CTNND2: variants seen among roughly 807,000 people sequenced by gnomAD.
CTNND2 encodes catenin delta 2, also known as catenin delta-2.
CTNND2 carries 22 observed loss-of-function variants against 144.4 expected under a neutral mutation model. That is an observed-to-expected ratio of 0.15 (90% CI 0.11 to 0.22). The LOEUF (loss-of-function observed/expected upper bound fraction) is 0.22. Ranked by LOEUF, CTNND2 falls within the 10% of genes least tolerant of loss-of-function variation. CTNND2 has a pLI of 1.00. For synonymous variants in CTNND2, 751 were observed against 695.6 expected, an observed-to-expected ratio of 1.08 and a Z score of -1.25; for missense variants, 1,353 against 1,618.8, an observed-to-expected ratio of 0.84 and a Z score of 2.82.
chr5:11,177,372 C>T (rs1370838954), intron 11 of CTNND2, among the ~76,000 whole-genome samples: 1 of 152,134 alleles, frequency 6.6e-6, no homozygotes, highest in Non-Finnish European at 1.5e-5. Context: ...TATGTATCTA[C>T]AACATGGTGA....
intron 3 of CTNND2, among the ~76,000 whole-genome samples, chr5:11,443,628 T>C (rs1048832966): frequency 1.3e-5 from 2 of 152,204 alleles, no homozygotes; most frequent in African/African-American, 2.4e-5. Context: ...AAGGTATGTA[T>C]GGTTACCCTA....
intron 2 of CTNND2, among the ~76,000 whole-genome samples, chr5:11,702,687 C>G (rs1208375046): frequency 1.9e-4 from 29 of 152,322 alleles, no homozygotes; most frequent in Non-Finnish European, 8.8e-5. Context: ...TCTTTTCTGG[C>G]TATCTGCTAA....
intron 2 of CTNND2, 36 bp downstream of exon 2, chr5:11,732,100 C>G: frequency 3.8e-6 from 6 of 1,590,310 alleles, no homozygotes; most frequent in Non-Finnish European, 5.2e-6. Flanking sequence ...TTAAAATGTC[C>G]CCAAACGCAT....
intron 16 of CTNND2, among the ~76,000 whole-genome samples, chr5:11,069,697 G>GAGAC (rs1264239962): frequency 2.1e-5 from 2 of 94,328 alleles, no homozygotes; most frequent in Non-Finnish European, 5.3e-5. Context: ...GAGAGACAGA[G>GAGAC]AGAGAGAGAA....
At chr5:11,411,462 T>G (rs1262309624) in intron 5 of CTNND2, 74 bp downstream of exon 5, 2 of 780,098 alleles carry the variant, frequency 2.6e-6, no homozygotes, top group East Asian at 2.5e-5. Flanking sequence ...CTCATAACAG[T>G]AATGATATTA....
At chr5:11,355,304 T>C (rs1321496405) in intron 8 of CTNND2, among the ~76,000 whole-genome samples, 1 of 152,114 alleles carries the variant, frequency 6.6e-6, no homozygotes, top group Admixed American at 6.5e-5. Context: ...ATTAAAAAGA[T>C]CGTTCACTAT....
chr5:11,291,625 C>T (rs1748359167), intron 9 of CTNND2, among the ~76,000 whole-genome samples: 1 of 152,130 alleles, frequency 6.6e-6, no homozygotes, highest in African/African-American at 2.4e-5. Context: ...GGTCCTTTCT[C>T]TCTGGTACCG....
intron 1 of CTNND2, among the ~76,000 whole-genome samples, chr5:11,821,582 G>A (rs1793315960): frequency 6.6e-6 from 1 of 151,848 alleles, no homozygotes; most frequent in Non-Finnish European, 1.5e-5. Context: ...CTCTTCAAAT[G>A]ACCTGTTGGT....
At chr5:11,069,739 T>C (rs1436059331) in intron 16 of CTNND2, among the ~76,000 whole-genome samples, 1 of 152,092 alleles carries the variant, frequency 6.6e-6, no homozygotes, top group African/African-American at 2.4e-5. Context: ...AGATCTTATA[T>C]GGCTCAGAAA....
chr5:11,335,266 CT>C (rs1267070526), intron 9 of CTNND2, among the ~76,000 whole-genome samples: 3 of 152,176 alleles, frequency 2.0e-5, no homozygotes, highest in Admixed American at 2.0e-4. Flanking sequence ...AGGTCAGTAT[CT>C]CCAAATTAAT....
chr5:11,236,938 A>G, intron 9 of CTNND2, 115 bp from the exon 10 acceptor site: 2 of 1,139,026 alleles, frequency 1.8e-6, no homozygotes, highest in Non-Finnish European at 2.5e-6. Context: ...TATTTCATAA[A>G]TGACTGTTCT....
chr5:11,149,738 G>A (rs1757572175), intron 12 of CTNND2, among the ~76,000 whole-genome samples: 1 of 152,100 alleles, frequency 6.6e-6, no homozygotes, highest in African/African-American at 2.4e-5. Context: ...CAGAGGAAGA[G>A]CCCAGGGTCC....
At chr5:11,860,996 T>C (rs1336604886) in intron 1 of CTNND2, among the ~76,000 whole-genome samples, 1 of 152,232 alleles carries the variant, frequency 6.6e-6, no homozygotes. Flanking sequence ...GAAGTGATCT[T>C]GTTCTAAAAG....
In CTNND2 at chr5:11,131,562, C is replaced by T. The variant is rs190172480; in HGVS notation, c.2160-13995G>A. On this transcript the variant is annotated intron_variant, in intron 12 of 21. Coordinates refer to ENST00000304623, the MANE Select transcript of CTNND2 (RefSeq NM_001332.4). ...CAGCACTTTGGGAGGCCAAGGCTGG[C>T]GGATAACGAGGTCAGGAGATCGAGA... Among the ~76,000 whole-genome samples, 309 of 152,214 alleles carry T rather than the reference C, an allele frequency of 2.0e-3. 2 individuals are homozygous for T. The highest frequency in any genetic ancestry group is 6.3e-3 in the African/African-American group (263 of 41,534).
intron 7 of CTNND2, among the ~76,000 whole-genome samples, chr5:11,365,617 T>A (rs1422502292): frequency 6.6e-6 from 1 of 152,210 alleles, no homozygotes; most frequent in African/African-American, 2.4e-5. Context: ...TGTCACTTCA[T>A]TGCATGATAT....
chr5:11,386,028 G>C (rs1000695870), intron 6 of CTNND2: 1 of 152,158 alleles, frequency 6.6e-6, no homozygotes, highest in Non-Finnish European at 1.5e-5. Context: ...AAAGCCATTC[G>C]CCTCTCATTT....
chr5:11,115,371 T>C (rs7341140), intron 13 of CTNND2, among the ~76,000 whole-genome samples: 25,180 of 152,110 alleles, frequency 0.17, 3,505 homozygotes, highest in East Asian at 0.45. Context: ...TTTTCAGCTG[T>C]AAGGTCCAGC....
At chr5:11,886,463 G>A (rs185463685) in intron 1 of CTNND2, among the ~76,000 whole-genome samples, 25 of 152,192 alleles carry the variant, frequency 1.6e-4, no homozygotes, top group Non-Finnish European at 2.8e-4. Flanking sequence ...ATTCCTAGAT[G>A]CATTTAATCT....
At chr5:11,676,250 C>T (rs892432222) in intron 2 of CTNND2, among the ~76,000 whole-genome samples, 7 of 152,152 alleles carry the variant, frequency 4.6e-5, no homozygotes, top group Admixed American at 2.0e-4. Flanking sequence ...AGGTTAGGTA[C>T]TTAAGTCCAT....
Sources: gnomAD v4.1 joint callset for allele counts (sites outside exome capture counted in the v4.1 genomes callset) on GRCh38, gnomAD v4.1.1 for gene constraint, MANE v1.5 for transcripts, NCBI Gene and HGNC (gene_info 2026-07-23, HGNC 2026-07-21) for gene names.